DOCK3: variants seen among roughly 807,000 people sequenced by gnomAD.
DOCK3 encodes dedicator of cytokinesis 3, also known as dedicator of cytokinesis protein 3.
A neutral mutation model predicts 265.6 loss-of-function variants in DOCK3; 60 were observed. The ratio of observed to expected loss-of-function variants is 0.23; its 90% CI spans 0.18 to 0.28. The LOEUF is 0.28. Ranked by LOEUF, DOCK3 falls within the 10% of genes least tolerant of loss-of-function variation. DOCK3 has a pLI of 1.00. For synonymous variants in DOCK3, 881 were observed against 938.0 expected (o/e 0.94, Z 1.11); for missense variants, 1,981 against 2,594.3 (o/e 0.76, Z 5.14).
intron 23 of DOCK3, among the ~76,000 whole-genome samples, chr3:51,266,197 A>C (rs1226208096): frequency 6.6e-6 from 1 of 152,178 alleles, no homozygotes; most frequent in Non-Finnish European, 1.5e-5. Context: ...ACAAATGGAA[A>C]AACATCCCAT....
chr3:51,116,980 C>A (rs760459674), intron 9 of DOCK3, among the ~76,000 whole-genome samples: 13 of 152,136 alleles, frequency 8.5e-5, no homozygotes, highest in Non-Finnish European at 1.6e-4. Context: ...ATTACCCTGG[C>A]CAGAACTTCC....
intron 12 of DOCK3, among the ~76,000 whole-genome samples, chr3:51,188,142 T>C (rs766328468): frequency 4.6e-5 from 7 of 152,216 alleles, no homozygotes; most frequent in Non-Finnish European, 1.0e-4. Context: ...TTCTCATTTG[T>C]ATTTTAAACT....
At chr3:51,066,381 A>G (rs1185516529) in intron 6 of DOCK3, among the ~76,000 whole-genome samples, 2 of 152,224 alleles carry the variant, frequency 1.3e-5, no homozygotes, top group Non-Finnish European at 2.9e-5. Flanking sequence ...AGGAATGAAG[A>G]GAAGACTATT....
chr3:50,734,601 A>AGTTTT lies in DOCK3; in HGVS notation c.38-44073_38-44069dup, dbSNP rs1553642734. Among the ~76,000 whole-genome samples, 76 of 39,486 alleles carry AGTTTT rather than the reference A, an allele frequency of 1.9e-3. 1 individual carries two copies. Among genetic ancestry groups the AGTTTT allele is most frequent in the African/African-American group, 8.9e-3 (72 of 8,130 alleles). 25.9% of individuals were successfully genotyped at this position (39,486 alleles called of 152,430 possible). Reference sequence around the variant, plus strand: ...TTATTATATTCTTGCTTTTACAGTGAGTTTTTTTTTTTTTTTTTTGAGATG... The same window carrying AGTTTT: ...TTATTATATTCTTGCTTTTACAGTGAGTTTTGTTTTTTTTTTTTTTTTTTGAGATG... On this transcript the variant is annotated intron_variant, in intron 1 of 52. Coordinates refer to ENST00000266037, the MANE Select transcript of DOCK3 (RefSeq NM_004947.5).
chr3:50,679,711 A>C (rs1388376462), intron 1 of DOCK3, among the ~76,000 whole-genome samples: 1 of 152,186 alleles, frequency 6.6e-6, no homozygotes, highest in African/African-American at 2.4e-5. Context: ...CTCTTTAGTT[A>C]TTTATTCAGT....
At chr3:51,067,176 A>G (rs1222194682) in intron 6 of DOCK3, among the ~76,000 whole-genome samples, 1 of 152,236 alleles carries the variant, frequency 6.6e-6, no homozygotes, top group Non-Finnish European at 1.5e-5. Context: ...GTAATTCATT[A>G]TGTTGCAGTT....
At chr3:51,160,900 C>T (rs535715315) in intron 12 of DOCK3, among the ~76,000 whole-genome samples, 198 bp downstream of exon 12, 1 of 151,746 alleles carries the variant, frequency 6.6e-6, no homozygotes, top group South Asian at 2.1e-4. Context: ...CACGGTGAAA[C>T]CTCGTCTCTA....
chr3:51,301,539 G>T (rs1180292084), intron 27 of DOCK3, among the ~76,000 whole-genome samples: 3 of 151,874 alleles, frequency 2.0e-5, no homozygotes, highest in African/African-American at 7.3e-5. Flanking sequence ...TTTGATGTGG[G>T]CATTTAGTGC....
chr3:50,693,562 G>T (rs1407326372), intron 1 of DOCK3, among the ~76,000 whole-genome samples: 1 of 108,288 alleles, frequency 9.2e-6, no homozygotes. Flanking sequence ...TTAAGACAGA[G>T]TCTCACTCTG....
At chr3:50,796,059 C>G (rs1342567058) in intron 2 of DOCK3, among the ~76,000 whole-genome samples, 1 of 144,876 alleles carries the variant, frequency 6.9e-6, no homozygotes, top group Non-Finnish European at 1.5e-5. Flanking sequence ...TTTTTTTTTT[C>G]AGACGGAGTC....
rs368819970 is a variant in DOCK3 at position 50,925,824 on chromosome 3, CTTTTTTTT to C, written c.219-8140_219-8133del. On this transcript the variant is annotated intron_variant, in intron 4 of 52. Transcript: ENST00000266037. ...TCAGCAGCTACTAGGTAAAACTAGTCTTTTTTTTTTTTTTTTTTTTTTTTGAGACAGAG... is the reference window on the plus strand; with the variant it reads ...TCAGCAGCTACTAGGTAAAACTAGTCTTTTTTTTTTTTTTTTGAGACAGAG... 6.3e-4 allele frequency among the ~76,000 whole-genome samples: 56 copies of C among 88,426 alleles called. 1 individual carries two copies. The highest frequency in any genetic ancestry group is 1.8e-3 in the Admixed American group (17 of 9,274). 58.0% of individuals were successfully genotyped at this position (88,426 alleles called of 152,430 possible). A position where few individuals can be genotyped will look rare whatever the true frequency, so the allele number is the denominator to read the frequency against.
chr3:51,316,280 C>T (rs1023707874), intron 32 of DOCK3, among the ~76,000 whole-genome samples: 1 of 152,174 alleles, frequency 6.6e-6, no homozygotes, highest in Non-Finnish European at 1.5e-5. Context: ...TTTCACTTAG[C>T]ATAATGCTTT....
chr3:51,315,155 A>G, intron 32 of DOCK3, 27 bp downstream of exon 32: 1 of 1,566,294 alleles, frequency 6.4e-7, no homozygotes, highest in African/African-American at 1.4e-5. Flanking sequence ...TGTTCGGGGT[A>G]TTCTCTGGAA....
chr3:50,693,019 C>T (rs1246136202), intron 1 of DOCK3, among the ~76,000 whole-genome samples: 1 of 152,076 alleles, frequency 6.6e-6, no homozygotes, highest in Non-Finnish European at 1.5e-5. Flanking sequence ...GCACCATGGT[C>T]GAGTATCATT....
chr3:50,787,625 G>A (rs1384950418), intron 2 of DOCK3: 4 of 1,268,806 alleles, frequency 3.2e-6, no homozygotes, highest in East Asian at 2.4e-5. Context: ...CGCTTCTTAC[G>A]CTTAGGTGGC....
At chr3:50,692,735 A>T (rs1408480552) in intron 1 of DOCK3, among the ~76,000 whole-genome samples, 2 of 152,094 alleles carry the variant, frequency 1.3e-5, no homozygotes, top group Admixed American at 1.3e-4. Context: ...TTTAAGTTTG[A>T]TGAAGCTGAT....
intron 12 of DOCK3, among the ~76,000 whole-genome samples, chr3:51,174,524 A>AT (rs36058200): frequency 0.91 from 138,820 of 152,202 alleles, 63,455 homozygotes; most frequent in African/African-American, 0.96. Context: ...TTCATGCATT[A>AT]TTTCCTGATT....
At chr3:51,260,134 C>G in intron 22 of DOCK3, 22 bp from the exon 23 acceptor site, 2 of 1,605,472 alleles carry the variant, frequency 1.2e-6, no homozygotes, top group Non-Finnish European at 1.7e-6. Context: ...CTCTCCATCA[C>G]TTTTTCTCCC....
intron 3 of DOCK3, among the ~76,000 whole-genome samples, chr3:50,843,736 A>G (rs764026585): frequency 6.6e-6 from 1 of 152,130 alleles, no homozygotes; most frequent in Non-Finnish European, 1.5e-5. Context: ...TCTATTCTAG[A>G]ATCTTAGGTT....
Sources: allele counts gnomAD v4.1 joint callset (sites outside exome capture counted in the v4.1 genomes callset), GRCh38; gene constraint gnomAD v4.1.1; transcripts MANE v1.5; gene names NCBI Gene and HGNC (gene_info 2026-07-23, HGNC 2026-07-21).